The following ANGPTL2 variants were observed in gnomAD, a reference collection of about 807,000 sequenced individuals.
ANGPTL2 encodes angiopoietin-related protein 2.
A neutral mutation model predicts 52.8 loss-of-function variants in ANGPTL2; 25 were observed. The observed-to-expected ratio is 0.47, with a 90% CI of 0.35 to 0.66. The LOEUF is 0.66. Ranked by LOEUF, ANGPTL2 falls within the 30% of genes least tolerant of loss-of-function variation. ANGPTL2 has a pLI of 0.01. For synonymous variants in ANGPTL2, 276 were observed against 277.4 expected (o/e 1.00, Z 0.05); for missense variants, 546 against 656.9 (o/e 0.83, Z 1.84).
intron 2 of ANGPTL2, among the ~76,000 whole-genome samples, chr9:127,095,788 C>T (rs2053061491): frequency 6.6e-6 from 1 of 152,202 alleles, no homozygotes; most frequent in African/African-American, 2.4e-5. Context: ...AGTTATAAAC[C>T]AGAAAGATTT....
intron 1 of ANGPTL2, among the ~76,000 whole-genome samples, chr9:127,117,987 G>T (rs1233792981): frequency 6.6e-6 from 1 of 152,212 alleles, no homozygotes; most frequent in Non-Finnish European, 1.5e-5. Context: ...CCCCAGACAG[G>T]CTGATTTCAG....
At chr9:127,096,570 G>T (rs2053164058) in intron 2 of ANGPTL2, among the ~76,000 whole-genome samples, 1 of 152,214 alleles carries the variant, frequency 6.6e-6, no homozygotes, top group South Asian at 2.1e-4. Context: ...TCCAGCTGGG[G>T]CTGCCTTTGT....
rs556617808 is a variant in ANGPTL2, at chr9:127,112,318, C to A, written c.-49-3538G>T. On this transcript the variant is annotated intron_variant, in intron 1 of 4. Transcript: ENST00000373425. ...CCTGTGCTAGTGGTCACACCCACCC[C>A]AGAACAATGGGGAGGAGCCGCCCCC... Among the ~76,000 whole-genome samples the A allele has an allele frequency of 2.0e-5, 3 of 152,310 alleles. No individual in the cohort carries two copies. The South Asian group carries it at 6.2e-4, about 32-fold the overall frequency.
intron 1 of ANGPTL2, 101 bp from the exon 2 acceptor site, chr9:127,108,881 CA>C: frequency 8.2e-6 from 7 of 848,684 alleles, no homozygotes; most frequent in Non-Finnish European, 1.2e-5. Flanking sequence ...CAGAGCTTTC[CA>C]AAAACTCTGC....
In ANGPTL2 at chr9:127,108,138, C is replaced by T. The variant is rs149444901; in HGVS notation, c.594G>A (p.Ala198=). 4.0e-5 allele frequency: 65 copies of T among 1,613,854 alleles called. No homozygotes were observed. The highest frequency in any genetic ancestry group is 5.3e-5 in the Non-Finnish European group (62 of 1,179,978). The change falls in exon 2 of 5, where the codon GCG becomes GCA. Residue 198 remains alanine, a synonymous_variant. Transcript: ENST00000373425. ...CCCTCTGGCAGTGCTCCTCAAGCTG[C>T]GCGATGATCTCTGATTGGTTGTGGG... ...TLAHNQSEII[A]QLEEHCQRVP... is the part of the protein sequence containing the mutation.
chr9:127,114,588 C>G (rs1442768890), intron 1 of ANGPTL2, among the ~76,000 whole-genome samples: 2 of 152,212 alleles, frequency 1.3e-5, no homozygotes, highest in Non-Finnish European at 2.9e-5. Context: ...ATCATCAGTC[C>G]AGGTTGTAGT....
intron 1 of ANGPTL2, among the ~76,000 whole-genome samples, chr9:127,113,704 GT>G (rs1264627934): frequency 1.3e-5 from 2 of 152,198 alleles, no homozygotes; most frequent in African/African-American, 2.4e-5. Context: ...TCACGCATGG[GT>G]TTTCCCTCCC....
At chr9:127,098,659 G>T (rs1232613331) in intron 2 of ANGPTL2, among the ~76,000 whole-genome samples, 1 of 152,194 alleles carries the variant, frequency 6.6e-6, no homozygotes, top group South Asian at 2.1e-4. Flanking sequence ...ATCAGCTTTG[G>T]GTGCTTCCTT....
chr9:127,095,967 T>A (rs1024701371), intron 2 of ANGPTL2, among the ~76,000 whole-genome samples: 1 of 152,190 alleles, frequency 6.6e-6, no homozygotes, highest in Non-Finnish European at 1.5e-5. Context: ...GTTTGGGTGC[T>A]GACACTTAAC....
intron 2 of ANGPTL2, among the ~76,000 whole-genome samples, chr9:127,105,394 T>C (rs993548943): frequency 1.3e-5 from 2 of 152,084 alleles, no homozygotes; most frequent in Non-Finnish European, 2.9e-5. Flanking sequence ...GATTGAACCA[T>C]TTGAGGTGCC....
At chr9:127,090,259 A>G (rs1193934681) in intron 4 of ANGPTL2, among the ~76,000 whole-genome samples, 2 of 152,164 alleles carry the variant, frequency 1.3e-5, no homozygotes, top group African/African-American at 2.4e-5. Flanking sequence ...GCTAGATCTG[A>G]GTTTGGATCA....
intron 2 of ANGPTL2, among the ~76,000 whole-genome samples, chr9:127,106,260 C>T (rs1039110808): frequency 1.4e-4 from 9 of 63,238 alleles, no homozygotes; most frequent in South Asian, 4.0e-4. Flanking sequence ...CCCAAGGGCA[C>T]GTTTTACCCT....
intron 3 of ANGPTL2, among the ~76,000 whole-genome samples, chr9:127,092,591 T>C (rs2052617541): frequency 6.6e-6 from 1 of 152,070 alleles, no homozygotes; most frequent in Admixed American, 6.6e-5. Flanking sequence ...GAACTTTACA[T>C]AGGTTGTTTT....
At chr9:127,104,338 C>G (rs993463040) in intron 2 of ANGPTL2, among the ~76,000 whole-genome samples, 1 of 152,206 alleles carries the variant, frequency 6.6e-6, no homozygotes, top group Non-Finnish European at 1.5e-5. Flanking sequence ...GTGGCTCTGC[C>G]TTGGGTGGCC....
intron 2 of ANGPTL2, among the ~76,000 whole-genome samples, chr9:127,097,287 C>T (rs1297895537): frequency 6.6e-6 from 1 of 152,074 alleles, no homozygotes; most frequent in Non-Finnish European, 1.5e-5. Context: ...AAAAGGCAAA[C>T]GGGGTAATTC....
At chr9:127,106,051 G>T (rs1375297679) in intron 2 of ANGPTL2, among the ~76,000 whole-genome samples, 2 of 152,190 alleles carry the variant, frequency 1.3e-5, no homozygotes, top group Non-Finnish European at 1.5e-5. Flanking sequence ...CTAACCAAGG[G>T]GTAGAGCATG....
Position 127,117,497 on chromosome 9 carries a change from C to T in ANGPTL2, c.-50+4818G>A, listed in dbSNP as rs183478454. On this transcript the variant is annotated intron_variant, in intron 1 of 4. Transcript: ENST00000373425. ...ACAAGGTGGGTGAGGTCCTTACCCT[C>T]AAGGGGTCCACGGTAGTAGGTGAGA... Among the ~76,000 whole-genome samples, 6 of 152,332 alleles carry T rather than the reference C, an allele frequency of 3.9e-5. No individual in the cohort carries two copies. In the East Asian group the frequency reaches 5.8e-4, roughly 15 times the overall value.
At chr9:127,111,116 A>T (rs2054768792) in intron 1 of ANGPTL2, among the ~76,000 whole-genome samples, 1 of 152,004 alleles carries the variant, frequency 6.6e-6, no homozygotes, top group South Asian at 2.1e-4. Context: ...CATCTCCTCC[A>T]ACCACCTGGT....
At chr9:127,093,593 A>C in intron 3 of ANGPTL2, 140 bp downstream of exon 3, 3 of 990,116 alleles carry the variant, frequency 3.0e-6, no homozygotes, top group South Asian at 1.6e-5. Flanking sequence ...CGCCTCAGGT[A>C]TATGTGTTGT....
Sources: gnomAD v4.1 joint callset for allele counts (sites outside exome capture counted in the v4.1 genomes callset) on GRCh38, gnomAD v4.1.1 for gene constraint, MANE v1.5 for transcripts, NCBI Gene and HGNC (gene_info 2026-07-23, HGNC 2026-07-21) for gene names.